P4HA2: variants seen among roughly 807,000 people sequenced by gnomAD.
The protein encoded by P4HA2 is prolyl 4-hydroxylase subunit alpha 2.
Under a neutral mutation model 76.9 loss-of-function variants are expected in P4HA2, and 46 were observed. The observed-to-expected ratio is 0.60, with a 90% CI of 0.47 to 0.76. P4HA2 has a LOEUF of 0.76. Among genes scored for constraint, P4HA2 ranks in the 30% least tolerant of loss-of-function variants. The pLI is 0.00. For synonymous variants in P4HA2, 243 were observed against 254.0 expected, an observed-to-expected ratio of 0.96 and a Z score of 0.41; for missense variants, 583 against 669.4, an observed-to-expected ratio of 0.87 and a Z score of 1.42.
chr5:132,222,715 C>A (rs964552170), intron 1 of P4HA2, among the ~76,000 whole-genome samples: 1 of 152,210 alleles, frequency 6.6e-6, no homozygotes, highest in African/African-American at 2.4e-5. Context: ...TCACGAAGAA[C>A]CTAATAAAGC....
At chr5:132,208,379 AG>A in intron 7 of P4HA2, among the ~76,000 whole-genome samples, 1 of 34,394 alleles carries the variant, frequency 2.9e-5, no homozygotes, top group Non-Finnish European at 5.5e-5. Flanking sequence ...AGGAGAGAGG[AG>A]GAGAAGGGGG....
intron 1 of P4HA2, among the ~76,000 whole-genome samples, chr5:132,220,344 T>G (rs1393574739): frequency 1.3e-5 from 2 of 152,216 alleles, no homozygotes; most frequent in Non-Finnish European, 2.9e-5. Flanking sequence ...CTCAGCACCT[T>G]CTGTATGTAT....
chr5:132,202,094 T>C (rs1273798161), intron 10 of P4HA2: 1 of 152,154 alleles, frequency 6.6e-6, no homozygotes, highest in Non-Finnish European at 1.5e-5. Context: ...CTATCACTCT[T>C]GAAATGGTGG....
intron 7 of P4HA2, among the ~76,000 whole-genome samples, chr5:132,208,581 C>A (rs1310846625): frequency 6.6e-6 from 1 of 151,690 alleles, no homozygotes; most frequent in Non-Finnish European, 1.5e-5. Context: ...AATTCCTGAC[C>A]CTTTTCGTGA....
At chr5:132,210,670 G>T in intron 5 of P4HA2, 147 bp from the exon 6 acceptor site, 1 of 795,620 alleles carries the variant, frequency 1.3e-6, no homozygotes, top group Non-Finnish European at 2.1e-6. Context: ...ATCCTAAAGG[G>T]CCACTGACAC....
intron 14 of P4HA2, chr5:132,193,364 T>G: frequency 1.8e-5 from 4 of 223,108 alleles, no homozygotes; most frequent in Non-Finnish European, 1.8e-5. Flanking sequence ...TGACCTTTGA[T>G]GCCCTTTGGC....
intron 5 of P4HA2, among the ~76,000 whole-genome samples, chr5:132,213,127 C>T: frequency 6.6e-6 from 1 of 152,122 alleles, no homozygotes; most frequent in East Asian, 1.9e-4. Flanking sequence ...TATCAGTATG[C>T]CAGAATTCAA....
chr5:132,227,446 G>C (rs1326569685), intron 1 of P4HA2: 1 of 152,418 alleles, frequency 6.6e-6, no homozygotes, highest in African/African-American at 2.4e-5. Context: ...CCCGGGGTCA[G>C]GCCGCCACTT....
intron 6 of P4HA2, 99 bp downstream of exon 6, chr5:132,210,184 AC>A (rs1419738360): frequency 7.3e-7 from 1 of 1,374,870 alleles, no homozygotes; most frequent in Non-Finnish European, 1.0e-6. Context: ...GACAGGGTAA[AC>A]TGACTCAGTC....
At chr5:132,222,878 C>A (rs1684101876) in intron 1 of P4HA2, among the ~76,000 whole-genome samples, 1 of 152,350 alleles carries the variant, frequency 6.6e-6, no homozygotes, top group African/African-American at 2.4e-5. Context: ...TTAAAACTGA[C>A]ATGCAAAAGC....
chr5:132,215,046 G>T lies in P4HA2; in HGVS notation c.332-993C>A, dbSNP rs534077276. ...TTCCTTCCCCAACCTCTTCCCAAGA[G>T]TAGCTGTATCCACTGCCACCTATGA... is the stretch of plus-strand genomic sequence containing the variant. On this transcript the variant is annotated intron_variant, in intron 4 of 14. Transcript: ENST00000360568. Among the ~76,000 whole-genome samples, 59 of 152,352 alleles carry T rather than the reference G, an allele frequency of 3.9e-4. 2 individuals carry two copies. The South Asian group carries it at 4.4e-3, about 11-fold the overall frequency.
chr5:132,199,902 T>C (rs1287781526), intron 10 of P4HA2: 1 of 152,208 alleles, frequency 6.6e-6, no homozygotes, highest in Non-Finnish European at 1.5e-5. Flanking sequence ...CAGAGACCTA[T>C]AAAAACGTGG....
chr5:132,211,823 C>T (rs1753130892), intron 5 of P4HA2, among the ~76,000 whole-genome samples: 1 of 152,312 alleles, frequency 6.6e-6, no homozygotes, highest in African/African-American at 2.4e-5. Context: ...GTCTCAGTCC[C>T]CTTATCTCTA....
At position 132,214,045 on chromosome 5, in the gene P4HA2, C is replaced by A. The variant is rs201062782; in HGVS notation, c.340G>T (p.Ala114Ser). 3 of 1,613,876 alleles carry A rather than the reference C, an allele frequency of 1.9e-6. No homozygotes were observed. The East Asian group carries it at 6.7e-5, about 36-fold the overall frequency. Residue 114 changes from alanine to serine, a missense_variant, in exon 5 of 15, where the codon GCC (alanine) becomes TCC (serine). Coordinates refer to ENST00000360568, the MANE Select transcript of P4HA2 (RefSeq NM_001017974.2). ...VLQDSAAGFI[A>S]NLSVQRQFFP... The stretch of plus-strand genomic sequence containing the variant: ...AACTGCCGCTGCACAGAGAGGTTGG[C>A]GATAAAACCTTCCAAATGAGAGTCA...
chr5:132,224,555 G>A (rs990243323), intron 1 of P4HA2, among the ~76,000 whole-genome samples: 7 of 152,280 alleles, frequency 4.6e-5, no homozygotes, highest in Admixed American at 3.3e-4. Context: ...GCAGAAATTG[G>A]GCGATCTCCA....
Position 132,198,937 on chromosome 5 carries a change from G to A in P4HA2, c.1252-5C>T, listed in dbSNP as rs73788824. 1,262 of 1,603,746 alleles carry A rather than the reference G, an allele frequency of 7.9e-4. 6 individuals are homozygous for A. The African/African-American group carries it at 0.015, about 19-fold the overall frequency. ...TCCCACTCCATAATTTGCAACCTGT[G>A]GGAAATAACAGCATTAGACCTTGTA... On this transcript the variant is annotated splice_polypyrimidine_tract_variant and splice_region_variant and intron_variant, in intron 10 of 14. Transcript: ENST00000360568.
rs1752372534 is a variant in P4HA2, at chr5:132,207,629, C to A, written c.1080+79G>T. ...ATAAAGGGTGGCTAGATGGGCAAAC[C>A]AACCACCCATAGTGCTAGGGATGAG... On this transcript the variant is annotated intron_variant, in intron 8 of 14. Coordinates refer to ENST00000360568, the MANE Select transcript of P4HA2 (RefSeq NM_001017974.2). 6 of 1,306,976 alleles carry A rather than the reference C, an allele frequency of 4.6e-6. No individual in the cohort carries two copies. In the South Asian group the frequency reaches 5.2e-5, roughly 11 times the overall value. 81.0% of individuals were successfully genotyped at this position (1,306,976 alleles called of 1,614,324 possible).
intron 1 of P4HA2, among the ~76,000 whole-genome samples, chr5:132,223,243 C>T (rs1754878301): frequency 6.6e-6 from 1 of 152,178 alleles, no homozygotes. Context: ...ACACCACCTC[C>T]CATCCTCCTT....
In P4HA2 at chr5:132,191,498, C is replaced by T. The variant is rs950427467; in HGVS notation, c.*1512G>A. Among the ~76,000 whole-genome samples, 3 of 125,742 alleles carry T rather than the reference C, an allele frequency of 2.4e-5. No individual in the cohort carries two copies. The highest frequency in any genetic ancestry group is 3.2e-5 in the African/African-American group (1 of 31,300). The allele number at this position is 125,742 out of a possible 152,430, so 82.5% of individuals were successfully genotyped here. On this transcript the variant is annotated 3_prime_UTR_variant, in exon 15 of 15. Coordinates refer to ENST00000360568, the MANE Select transcript of P4HA2 (RefSeq NM_001017974.2). ...CTGCACTCCAGCCTGGGCGACAGAG[C>T]GAGACTCCGTCTCAAAAAAAAAAAA...
Sources: allele counts gnomAD v4.1 joint callset (sites outside exome capture counted in the v4.1 genomes callset), GRCh38; gene constraint gnomAD v4.1.1; transcripts MANE v1.5; gene names NCBI Gene and HGNC (gene_info 2026-07-23, HGNC 2026-07-21).